Variants in BMPR1B observed in about 807,000 individuals in gnomAD.
BMPR1B encodes bone morphogenetic protein receptor type 1B.
In BMPR1B, 12 loss-of-function variants were observed where a neutral mutation model predicts 59.1. The ratio of observed to expected loss-of-function variants is 0.20; its 90% CI spans 0.13 to 0.33. BMPR1B has a LOEUF of 0.33. Among genes scored for constraint, BMPR1B ranks in the 10% least tolerant of loss-of-function variants. The pLI is 1.00. For synonymous variants in BMPR1B, 237 were observed against 207.3 expected, an observed-to-expected ratio of 1.14 and a Z score of -1.23; for missense variants, 550 against 610.9, an observed-to-expected ratio of 0.90 and a Z score of 1.05.
chr4:95,086,761 G>T (rs892143354), intron 3 of BMPR1B, among the ~76,000 whole-genome samples: 3 of 151,676 alleles, frequency 2.0e-5, no homozygotes, highest in Non-Finnish European at 4.4e-5. Context: ...GAATGTGTCG[G>T]TAGAGAGATC....
intron 3 of BMPR1B, among the ~76,000 whole-genome samples, chr4:95,058,272 C>A (rs890716210): frequency 6.6e-5 from 10 of 152,152 alleles, no homozygotes; most frequent in South Asian, 4.1e-4. Flanking sequence ...TTTCTGATTT[C>A]TTCTGGAGTC....
intron 2 of BMPR1B, among the ~76,000 whole-genome samples, chr4:94,986,898 G>C (rs1721440164): frequency 6.6e-6 from 1 of 151,444 alleles, no homozygotes; most frequent in African/African-American, 2.4e-5. Flanking sequence ...AAAACTAGCC[G>C]GGCGTGGTGG....
intron 1 of BMPR1B, among the ~76,000 whole-genome samples, chr4:94,767,036 C>T (rs1232120427): frequency 6.6e-6 from 1 of 152,130 alleles, no homozygotes; most frequent in Non-Finnish European, 1.5e-5. Flanking sequence ...TAGGTGACCT[C>T]AGGTTGCTTC....
intron 1 of BMPR1B, among the ~76,000 whole-genome samples, 194 bp downstream of exon 1, chr4:94,758,262 C>G (rs1721604433): frequency 6.8e-6 from 1 of 146,184 alleles, no homozygotes; most frequent in Non-Finnish European, 1.5e-5. Flanking sequence ...CGAGGGCGGG[C>G]TGCGCGGCCG....
intron 2 of BMPR1B, among the ~76,000 whole-genome samples, chr4:94,986,189 A>T (rs1721393638): frequency 6.6e-6 from 1 of 152,106 alleles, no homozygotes; most frequent in African/African-American, 2.4e-5. Flanking sequence ...TGTTAACATT[A>T]TTTCGTCTCT....
At chr4:95,012,371 A>G (rs1431012355) in intron 3 of BMPR1B, among the ~76,000 whole-genome samples, 1 of 152,220 alleles carries the variant, frequency 6.6e-6, no homozygotes, top group Non-Finnish European at 1.5e-5. Context: ...ATGTACACAC[A>G]TATTTAGAAC....
At chr4:94,788,923 C>T (rs570286383) in intron 1 of BMPR1B, among the ~76,000 whole-genome samples, 1 of 152,318 alleles carries the variant, frequency 6.6e-6, no homozygotes, top group South Asian at 2.1e-4. Flanking sequence ...CTGCTTGCTT[C>T]TGCCATCACC....
At chr4:94,792,670 T>C (rs1393073216) in intron 1 of BMPR1B, among the ~76,000 whole-genome samples, 1 of 152,204 alleles carries the variant, frequency 6.6e-6, no homozygotes, top group East Asian at 1.9e-4. Flanking sequence ...TCTTGTTTTA[T>C]TTGCTTTACT....
chr4:95,107,611 TTATTCATTATAACATTCC>T (rs1464128234), intron 4 of BMPR1B, among the ~76,000 whole-genome samples: 1 of 152,102 alleles, frequency 6.6e-6, no homozygotes, highest in Non-Finnish European at 1.5e-5. Context: ...TTACCTTTCT[TTATTCATTATAACATTCC>T]TATAAAGAAT....
chr4:94,907,482 C>T (rs1578788039), intron 2 of BMPR1B, among the ~76,000 whole-genome samples: 6 of 152,092 alleles, frequency 3.9e-5, no homozygotes, highest in Admixed American at 3.9e-4. Context: ...AAGGTAATGC[C>T]TGTGCATATG....
chr4:94,931,729 A>T (rs977137866), intron 2 of BMPR1B, among the ~76,000 whole-genome samples: 2 of 152,140 alleles, frequency 1.3e-5, no homozygotes, highest in African/African-American at 4.8e-5. Flanking sequence ...TTCACGTGTC[A>T]CCTACAGTGA....
Position 95,108,963 on chromosome 4 carries a change from T to C in BMPR1B, c.143+4396T>C, listed in dbSNP as rs182858203. The stretch of plus-strand genomic sequence containing the variant: ...TGTGGCTTTCAACATGCCAGTGTTC[T>C]GTTTCAGTTTCCTGTCCTAGCAAGT... On this transcript the variant is annotated intron_variant, in intron 4 of 12. Transcript: ENST00000515059. Among the ~76,000 whole-genome samples, 43 of 152,240 alleles carry C rather than the reference T, an allele frequency of 2.8e-4. 1 individual carries two copies. The highest frequency in any genetic ancestry group is 2.4e-3 in the Admixed American group (36 of 15,250).
At chr4:94,972,343 C>T (rs1730826858) in intron 2 of BMPR1B, among the ~76,000 whole-genome samples, 1 of 151,864 alleles carries the variant, frequency 6.6e-6, no homozygotes, top group African/African-American at 2.4e-5. Context: ...TAAATGTATA[C>T]TCATTTTAAT....
intron 3 of BMPR1B, among the ~76,000 whole-genome samples, chr4:95,024,649 G>C (rs1312954794): frequency 6.6e-6 from 1 of 152,104 alleles, no homozygotes; most frequent in Non-Finnish European, 1.5e-5. Context: ...ACATGACAAA[G>C]TACCCATCCC....
intron 9 of BMPR1B, 32 bp downstream of exon 9, chr4:95,130,086 G>T: frequency 6.2e-7 from 1 of 1,603,792 alleles, no homozygotes; most frequent in Non-Finnish European, 8.5e-7. Flanking sequence ...TATGTTCAGG[G>T]TTTCCTAGCT....
intron 3 of BMPR1B, among the ~76,000 whole-genome samples, chr4:95,024,367 A>AT (rs1357901922): frequency 2.0e-5 from 3 of 152,074 alleles, no homozygotes; most frequent in African/African-American, 7.2e-5. Flanking sequence ...GCTTTTTAGG[A>AT]TTTTCCCCGC....
intron 6 of BMPR1B, among the ~76,000 whole-genome samples, chr4:95,116,705 C>T (rs995719379): frequency 6.6e-6 from 1 of 151,602 alleles, no homozygotes; most frequent in African/African-American, 2.4e-5. Flanking sequence ...ACCTCCACCT[C>T]CTGGGCTCAG....
intron 3 of BMPR1B, among the ~76,000 whole-genome samples, chr4:95,011,110 G>A (rs571501344): frequency 4.0e-5 from 6 of 151,414 alleles, no homozygotes; most frequent in South Asian, 2.1e-4. Context: ...TTTTAGATTC[G>A]GGAGTACATG....
chr4:94,776,104 A>AAG (rs1722360251), intron 1 of BMPR1B, among the ~76,000 whole-genome samples: 2 of 151,826 alleles, frequency 1.3e-5, no homozygotes, highest in East Asian at 3.9e-4. Context: ...AAAGAAAAAA[A>AAG]AAAAAAAGAA....
Sources: allele counts gnomAD v4.1 joint callset (sites outside exome capture counted in the v4.1 genomes callset), GRCh38; gene constraint gnomAD v4.1.1; transcripts MANE v1.5; gene names NCBI Gene and HGNC (gene_info 2026-07-23, HGNC 2026-07-21).